Variants in MTSS1 observed in about 807,000 individuals in gnomAD.
The protein encoded by MTSS1 is protein MTSS 1.
Under a neutral mutation model 79.0 loss-of-function variants are expected in MTSS1, and 18 were observed. That is an observed-to-expected ratio of 0.23 (90% confidence interval 0.16 to 0.34). The LOEUF (loss-of-function observed/expected upper bound fraction) is 0.34. Ranked by LOEUF, MTSS1 falls within the 10% of genes least tolerant of loss-of-function variation. The pLI, the probability that MTSS1 is intolerant of heterozygous loss-of-function variation, is 1.00. For synonymous variants in MTSS1, 341 were observed against 368.6 expected (o/e 0.93, Z 0.86); for missense variants, 815 against 986.2 (o/e 0.83, Z 2.33).
intron 1 of MTSS1, among the ~76,000 whole-genome samples, chr8:124,719,703 A>G (rs1282439213): frequency 6.6e-6 from 1 of 152,256 alleles, no homozygotes; most frequent in Non-Finnish European, 1.5e-5. Context: ...CTACTGCATT[A>G]TCAAACTGAA....
chr8:124,678,397 C>T (rs1825642848), intron 3 of MTSS1, among the ~76,000 whole-genome samples: 1 of 152,142 alleles, frequency 6.6e-6, no homozygotes. Flanking sequence ...TTTCATACTG[C>T]TATGAAGAAA....
In MTSS1 at chr8:124,623,588, C is replaced by A. The variant is rs574415545; in HGVS notation, c.209-32353G>T. 3.3e-5 allele frequency among the ~76,000 whole-genome samples: 5 copies of A among 152,264 alleles called. No homozygotes were observed. The East Asian group carries it at 9.6e-4, about 29-fold the overall frequency. On this transcript the variant is annotated intron_variant, in intron 3 of 13. Transcript: ENST00000518547. ...AATTTAAGCATTTGGCCTAAAAAAA[C>A]CAAAGAGCACCTGAAACACTGAAGG... is the stretch of plus-strand genomic sequence containing the variant.
Position 124,603,236 on chromosome 8 carries a change from G to C in MTSS1, c.209-12001C>G, listed in dbSNP as rs190948427. 2.6e-3 allele frequency among the ~76,000 whole-genome samples: 400 copies of C among 152,304 alleles called. 3 individuals are homozygous for C. Among genetic ancestry groups the C allele is most frequent in the African/African-American group, 9.3e-3 (385 of 41,572 alleles). On this transcript the variant is annotated intron_variant, in intron 3 of 13. Transcript: ENST00000518547. ...AGATGAGGTTTCACCATGTTGGCTA[G>C]GCTGGTCTCGAACTCCTGACCTCAA...
At chr8:124,573,203 C>T (rs777931234) in intron 6 of MTSS1, among the ~76,000 whole-genome samples, 13 of 152,172 alleles carry the variant, frequency 8.5e-5, no homozygotes, top group Non-Finnish European at 1.5e-4. Flanking sequence ...GCCATTCTCT[C>T]CCTCTCTCCT....
At chr8:124,628,202 GA>G (rs1815122388) in intron 3 of MTSS1, among the ~76,000 whole-genome samples, 1 of 152,180 alleles carries the variant, frequency 6.6e-6, no homozygotes, top group Admixed American at 6.5e-5. Flanking sequence ...TAGCAGTGAT[GA>G]AAAGTACAGA....
chr8:124,656,539 T>C (rs1022031924), intron 3 of MTSS1, among the ~76,000 whole-genome samples: 14 of 151,128 alleles, frequency 9.3e-5, no homozygotes, highest in African/African-American at 2.9e-4. Flanking sequence ...TGGGAAGCTA[T>C]GACAGGCAGA....
At chr8:124,689,999 G>A (rs1321917820) in intron 3 of MTSS1, among the ~76,000 whole-genome samples, 14 of 151,994 alleles carry the variant, frequency 9.2e-5, no homozygotes, top group African/African-American at 3.1e-4. Context: ...CAAAATGCAC[G>A]GTGGCTCTGT....
chr8:124,657,300 T>C (rs1456264746), intron 3 of MTSS1, among the ~76,000 whole-genome samples: 2 of 152,090 alleles, frequency 1.3e-5, no homozygotes, highest in East Asian at 1.9e-4. Flanking sequence ...CAGCAGAAAG[T>C]TGATGGTTAC....
At chr8:124,565,582 A>C in intron 9 of MTSS1, 80 bp downstream of exon 9, 1 of 1,188,900 alleles carries the variant, frequency 8.4e-7, no homozygotes, top group Non-Finnish European at 1.2e-6. Context: ...CTAAGAGATA[A>C]GGACTGGCTC....
chr8:124,599,381 G>A (rs1291211358), intron 3 of MTSS1, among the ~76,000 whole-genome samples: 2 of 151,698 alleles, frequency 1.3e-5, no homozygotes, highest in Non-Finnish European at 2.9e-5. Context: ...TACTCAGGAG[G>A]CTGAGGCAGG....
At chr8:124,718,230 C>G (rs1321954202) in intron 1 of MTSS1, among the ~76,000 whole-genome samples, 1 of 151,278 alleles carries the variant, frequency 6.6e-6, no homozygotes. Flanking sequence ...GAAGTAATCC[C>G]TCATGAAATG....
At chr8:124,632,693 A>C (rs1816225843) in intron 3 of MTSS1, among the ~76,000 whole-genome samples, 1 of 151,998 alleles carries the variant, frequency 6.6e-6, no homozygotes, top group African/African-American at 2.4e-5. Context: ...TTTGAGATGG[A>C]GTCTTTCTCT....
At chr8:124,633,712 G>A (rs1317106604) in intron 3 of MTSS1, among the ~76,000 whole-genome samples, 1 of 151,938 alleles carries the variant, frequency 6.6e-6, no homozygotes. Flanking sequence ...GGAGGTTGCA[G>A]TGAGCTGAGA....
At chr8:124,563,180 G>A (rs1044566388) in intron 9 of MTSS1, among the ~76,000 whole-genome samples, 188 bp from the exon 10 acceptor site, 1 of 152,182 alleles carries the variant, frequency 6.6e-6, no homozygotes, top group African/African-American at 2.4e-5. Flanking sequence ...ACCAAATCAT[G>A]AAGGTAGTCA....
intron 1 of MTSS1, among the ~76,000 whole-genome samples, chr8:124,724,383 A>G (rs1833378736): frequency 6.6e-6 from 1 of 152,164 alleles, no homozygotes; most frequent in Non-Finnish European, 1.5e-5. Context: ...TCTGCTCAGC[A>G]CAGGTGCTGG....
At chr8:124,584,985 C>T (rs756975874) in intron 6 of MTSS1, 102 bp downstream of exon 6, 165 of 919,572 alleles carry the variant, frequency 1.8e-4, no homozygotes, top group Non-Finnish European at 2.6e-4. Context: ...TTTCCAGGGC[C>T]GTCATACTTA....
chr8:124,628,740 T>C (rs1399201942), intron 3 of MTSS1, among the ~76,000 whole-genome samples: 2 of 152,206 alleles, frequency 1.3e-5, no homozygotes, highest in African/African-American at 4.8e-5. Context: ...AAGAAGTACC[T>C]TGTGTAATTT....
intron 3 of MTSS1, among the ~76,000 whole-genome samples, chr8:124,616,324 T>C (rs1435056767): frequency 2.0e-4 from 29 of 148,418 alleles, no homozygotes; most frequent in Admixed American, 1.9e-3. Flanking sequence ...TCTCATGAGG[T>C]TTTTGTCATT....
intron 3 of MTSS1, among the ~76,000 whole-genome samples, chr8:124,636,994 G>A (rs1167796409): frequency 6.6e-6 from 1 of 152,144 alleles, no homozygotes; most frequent in African/African-American, 2.4e-5. Flanking sequence ...CCATAAAGAT[G>A]GCTACGGAAG....
Sources: allele counts gnomAD v4.1 joint callset (sites outside exome capture counted in the v4.1 genomes callset), GRCh38; gene constraint gnomAD v4.1.1; transcripts MANE v1.5; gene names NCBI Gene and HGNC (gene_info 2026-07-23, HGNC 2026-07-21).